The following ATRNL1 variants were observed in gnomAD, a reference collection of about 807,000 sequenced individuals.
The protein encoded by ATRNL1 is attractin-like protein 1.
Under a neutral mutation model 182.7 loss-of-function variants are expected in ATRNL1, and 95 were observed. The ratio of observed to expected loss-of-function variants is 0.52; its 90% CI spans 0.44 to 0.62. The LOEUF (loss-of-function observed/expected upper bound fraction) is 0.62, where lower values mean the gene tolerates loss of function less well. Ranked by LOEUF, ATRNL1 falls within the 20% of genes least tolerant of loss-of-function variation. The pLI is 0.00. For synonymous variants in ATRNL1, 576 were observed against 568.3 expected (o/e 1.01, Z -0.19); for missense variants, 1,471 against 1,679.5 (o/e 0.88, Z 2.17).
In ATRNL1 at chr10:115,548,109, C is replaced by T. The variant is rs114758889; in HGVS notation, c.3717-1349C>T. Among the ~76,000 whole-genome samples, 1,265 of 152,244 alleles carry T rather than the reference C, an allele frequency of 8.3e-3. 17 individuals carry two copies. The highest frequency in any genetic ancestry group is 0.029 in the African/African-American group (1,205 of 41,552). On this transcript the variant is annotated intron_variant, in intron 25 of 28. Coordinates refer to ENST00000355044, the MANE Select transcript of ATRNL1 (RefSeq NM_207303.4). ...TTGTATTTTGGTACTACGACTTAGT[C>T]CGTGTGGGACTATAAGCAATTAACT...
At chr10:115,440,285 T>C (rs1554965469) in intron 21 of ATRNL1, among the ~76,000 whole-genome samples, 3 of 151,924 alleles carry the variant, frequency 2.0e-5, no homozygotes, top group South Asian at 2.1e-4. Flanking sequence ...GTTTCTTATA[T>C]TGGAGAATAA....
intron 6 of ATRNL1, among the ~76,000 whole-genome samples, chr10:115,163,409 G>T (rs1327164197): frequency 6.7e-6 from 1 of 149,844 alleles, no homozygotes; most frequent in African/African-American, 2.5e-5. Context: ...TGTCACCCAG[G>T]CTGGAGTGCA....
chr10:115,399,087 T>C (rs880003168), intron 20 of ATRNL1, among the ~76,000 whole-genome samples: 1 of 152,170 alleles, frequency 6.6e-6, no homozygotes, highest in Non-Finnish European at 1.5e-5. Context: ...CTTTTTGATA[T>C]GCTGCTGAAT....
At chr10:115,611,004 G>A (rs894170495) in intron 26 of ATRNL1, among the ~76,000 whole-genome samples, 1 of 150,284 alleles carries the variant, frequency 6.7e-6, no homozygotes, top group Non-Finnish European at 1.5e-5. Flanking sequence ...CACAAATTTA[G>A]AGTTTCAAAA....
intron 5 of ATRNL1, among the ~76,000 whole-genome samples, chr10:115,145,013 A>T (rs1395857816): frequency 1.3e-5 from 2 of 152,160 alleles, no homozygotes; most frequent in Admixed American, 1.3e-4. Flanking sequence ...GGGCAGTTTA[A>T]CTTTTGTACC....
chr10:115,626,501 G>C (rs1838608914), intron 26 of ATRNL1, among the ~76,000 whole-genome samples: 1 of 152,096 alleles, frequency 6.6e-6, no homozygotes, highest in Admixed American at 6.5e-5. Context: ...GGGTATATTT[G>C]ATTCTGTTAC....
intron 5 of ATRNL1, among the ~76,000 whole-genome samples, chr10:115,157,588 C>T (rs371240286): frequency 3.0e-4 from 46 of 152,122 alleles, no homozygotes; most frequent in East Asian, 9.7e-4. Flanking sequence ...TCTTCAGATC[C>T]GGGACTGCAG....
intron 28 of ATRNL1, among the ~76,000 whole-genome samples, chr10:115,915,322 T>G (rs979263325): frequency 6.6e-6 from 1 of 150,942 alleles, no homozygotes; most frequent in Non-Finnish European, 1.5e-5. Flanking sequence ...GGCATGAACC[T>G]GGGGGGCGGA....
chr10:115,137,987 C>T (rs1050586551), intron 5 of ATRNL1, among the ~76,000 whole-genome samples: 1 of 152,216 alleles, frequency 6.6e-6, no homozygotes, highest in Non-Finnish European at 1.5e-5. Context: ...TGGGTAAATA[C>T]AGCCATTCCA....
At chr10:115,646,036 T>TACACACACAC (rs58679995) in intron 26 of ATRNL1, among the ~76,000 whole-genome samples, 25,009 of 141,462 alleles carry the variant, frequency 0.18, 2,745 homozygotes, top group East Asian at 0.44. Flanking sequence ...TTTTAAAATT[T>TACACACACAC]ACACACACAC....
At chr10:115,389,574 A>ATATATATATG (rs1843903630) in intron 19 of ATRNL1, among the ~76,000 whole-genome samples, 1 of 117,102 alleles carries the variant, frequency 8.5e-6, no homozygotes, top group African/African-American at 3.3e-5. Context: ...ATATATATAT[A>ATATATATATG]TATATATATA....
intron 25 of ATRNL1, among the ~76,000 whole-genome samples, chr10:115,536,877 A>G (rs1171406513): frequency 6.6e-6 from 1 of 152,256 alleles, no homozygotes; most frequent in Non-Finnish European, 1.5e-5. Context: ...GGATCTCTAC[A>G]TCAAAGAGAT....
intron 15 of ATRNL1, 73 bp from the exon 16 acceptor site, chr10:115,299,961 A>G (rs1479136796): frequency 2.8e-6 from 3 of 1,065,150 alleles, no homozygotes; most frequent in Non-Finnish European, 4.2e-6. Flanking sequence ...ATGATAGTGA[A>G]CTATTTGCTA....
chr10:115,936,927 C>A (rs556192313), intron 28 of ATRNL1, among the ~76,000 whole-genome samples: 1 of 152,250 alleles, frequency 6.6e-6, no homozygotes, highest in South Asian at 2.1e-4. Context: ...AGCTGCAAGT[C>A]TGATTCTGGT....
At chr10:115,453,401 GATTTCCTTTT>G (rs1847369906) in intron 21 of ATRNL1, among the ~76,000 whole-genome samples, 1 of 152,016 alleles carries the variant, frequency 6.6e-6, no homozygotes, top group Non-Finnish European at 1.5e-5. Flanking sequence ...ATAGTTGTTT[GATTTCCTTTT>G]ATGTTTTGGA....
chr10:115,480,324 C>T (rs1481344493), intron 24 of ATRNL1, among the ~76,000 whole-genome samples: 1 of 150,836 alleles, frequency 6.6e-6, no homozygotes, highest in Admixed American at 6.6e-5. Flanking sequence ...TAAAAATGTG[C>T]TGATGGAGTT....
intron 27 of ATRNL1, among the ~76,000 whole-genome samples, chr10:115,843,395 A>G (rs936328446): frequency 1.3e-5 from 2 of 152,078 alleles, no homozygotes; most frequent in African/African-American, 2.4e-5. Flanking sequence ...TCAAAGTAGA[A>G]AATAAAGAGG....
At chr10:115,402,871 C>T (rs1381919136) in intron 20 of ATRNL1, among the ~76,000 whole-genome samples, 2 of 152,098 alleles carry the variant, frequency 1.3e-5, no homozygotes, top group Admixed American at 6.6e-5. Flanking sequence ...ACAGAAGAAT[C>T]TCCTGGGATA....
At chr10:115,312,140 T>G (rs1854066469) in intron 17 of ATRNL1, among the ~76,000 whole-genome samples, 1 of 152,184 alleles carries the variant, frequency 6.6e-6, no homozygotes, top group Non-Finnish European at 1.5e-5. Context: ...ACATTTCTAG[T>G]CATCATGTTG....
Sources: gnomAD v4.1 joint callset for allele counts (sites outside exome capture counted in the v4.1 genomes callset) on GRCh38, gnomAD v4.1.1 for gene constraint, MANE v1.5 for transcripts, NCBI Gene and HGNC (gene_info 2026-07-23, HGNC 2026-07-21) for gene names.